Variants in SNTG2 observed in about 807,000 individuals in gnomAD.
SNTG2 encodes the protein gamma-2-syntrophin.
Under a neutral mutation model 70.9 loss-of-function variants are expected in SNTG2, and 74 were observed. The ratio of observed to expected loss-of-function variants is 1.04; its 90% CI spans 0.86 to 1.27. The LOEUF is 1.27. SNTG2 is among the 50% of genes most tolerant of loss of function. The pLI is 0.00. For synonymous variants in SNTG2, 278 were observed against 273.8 expected, an observed-to-expected ratio of 1.02 and a Z score of -0.15; for missense variants, 717 against 690.7, an observed-to-expected ratio of 1.04 and a Z score of -0.43.
chr2:1,098,317 A>T (rs1337070306), intron 3 of SNTG2, 36 bp from the exon 4 acceptor site: 1 of 1,613,704 alleles, frequency 6.2e-7, no homozygotes, highest in African/African-American at 1.3e-5. Context: ...GTGAATCATG[A>T]TAACCACGTT....
intron 1 of SNTG2, among the ~76,000 whole-genome samples, chr2:962,332 A>G (rs780400481): frequency 9.9e-5 from 15 of 152,150 alleles, no homozygotes; most frequent in Admixed American, 7.9e-4. Context: ...TCGGCCTCCC[A>G]AAGTGCTGAG....
intron 4 of SNTG2, among the ~76,000 whole-genome samples, chr2:1,106,067 T>C (rs370933795): frequency 0.11 from 13,899 of 131,142 alleles, 867 homozygotes; most frequent in Admixed American, 0.12. Context: ...TCCTTGGTAA[T>C]AGTGGACACC....
At chr2:972,997 C>A (rs797017856) in intron 1 of SNTG2, among the ~76,000 whole-genome samples, 29 of 151,720 alleles carry the variant, frequency 1.9e-4, no homozygotes, top group African/African-American at 7.0e-4. Flanking sequence ...TGTCTTGTAA[C>A]ATTTACATAT....
At position 1,353,649 on chromosome 2, in the gene SNTG2, A is replaced by T. The variant is rs921985408; in HGVS notation, c.1489-13694A>T. 1.3e-5 allele frequency: 2 copies of T among 152,150 alleles called. No homozygotes were observed. Among genetic ancestry groups the T allele is most frequent in the African/African-American group, 4.8e-5 (2 of 41,432 alleles). 9.4% of individuals were successfully genotyped at this position (152,150 alleles called of 1,614,324 possible). A position where few individuals can be genotyped will look rare whatever the true frequency, so the allele number is the denominator to read the frequency against. ...TGGCCCAGTGGAAACGGTTCTCTTCAATGCTGATTGACTTCACCTTTGCCC... is the reference window on the plus strand; with the variant it reads ...TGGCCCAGTGGAAACGGTTCTCTTCTATGCTGATTGACTTCACCTTTGCCC... On this transcript the variant is annotated intron_variant, in intron 16 of 16. Transcript: ENST00000308624. This position sits in a 1 kb window ranked among gnomAD's most constrained non-coding sequence, Gnocchi z 4.2.
At chr2:1,010,169 C>G (rs1194961976) in intron 1 of SNTG2, among the ~76,000 whole-genome samples, 4 of 151,848 alleles carry the variant, frequency 2.6e-5, no homozygotes, top group African/African-American at 9.7e-5. Flanking sequence ...AATGGGATGT[C>G]CACGGGGTGA....
At chr2:1,209,947 T>C (rs1673928314) in intron 9 of SNTG2, among the ~76,000 whole-genome samples, 1 of 152,068 alleles carries the variant, frequency 6.6e-6, no homozygotes, top group African/African-American at 2.4e-5. Context: ...TGTGTGGCTA[T>C]AGTGTGTGTG....
intron 4 of SNTG2, among the ~76,000 whole-genome samples, chr2:1,129,195 T>C (rs1411482048): frequency 6.6e-6 from 1 of 152,214 alleles, no homozygotes; most frequent in African/African-American, 2.4e-5. Flanking sequence ...TTCTAACAAA[T>C]GATTTCCTAA....
intron 14 of SNTG2, among the ~76,000 whole-genome samples, chr2:1,299,867 T>C (rs1204613437): frequency 6.6e-6 from 1 of 152,220 alleles, no homozygotes; most frequent in Non-Finnish European, 1.5e-5. Flanking sequence ...CCATGAGAAT[T>C]CAACGTAAGG....
At chr2:1,014,605 T>A in intron 1 of SNTG2, among the ~76,000 whole-genome samples, 1 of 111,884 alleles carries the variant, frequency 8.9e-6, no homozygotes, top group South Asian at 2.8e-4. Context: ...AGAAGGGTGG[T>A]CTGGAGAGGG....
intron 8 of SNTG2, among the ~76,000 whole-genome samples, chr2:1,187,147 G>T (rs1273432960): frequency 1.3e-5 from 2 of 152,184 alleles, no homozygotes; most frequent in East Asian, 1.9e-4. Context: ...TAATTTTCTG[G>T]AGATAAAAAT....
chr2:1,055,516 T>C (rs1433981029), intron 1 of SNTG2, among the ~76,000 whole-genome samples: 2 of 152,176 alleles, frequency 1.3e-5, no homozygotes, highest in Admixed American at 6.5e-5. Context: ...GGATTTTTCA[T>C]GGACGTCACT....
chr2:1,011,815 A>C (rs1277860180), intron 1 of SNTG2, among the ~76,000 whole-genome samples: 1 of 152,210 alleles, frequency 6.6e-6, no homozygotes, highest in Admixed American at 6.5e-5. Context: ...AACACATTTA[A>C]AAAACACATT....
intron 1 of SNTG2, among the ~76,000 whole-genome samples, chr2:1,066,888 C>G (rs1663192244): frequency 6.6e-6 from 1 of 152,142 alleles, no homozygotes; most frequent in Non-Finnish European, 1.5e-5. Context: ...AGTTGGTCGT[C>G]AACTTCCAAT....
chr2:1,208,399 C>T (rs1572729068), intron 8 of SNTG2, among the ~76,000 whole-genome samples: 1 of 152,176 alleles, frequency 6.6e-6, no homozygotes, highest in Non-Finnish European at 1.5e-5. Flanking sequence ...CCAGCGAGCC[C>T]GGCTCTGAGA....
intron 4 of SNTG2, among the ~76,000 whole-genome samples, chr2:1,123,406 G>A (rs376471522): frequency 1.3e-5 from 2 of 152,128 alleles, no homozygotes; most frequent in South Asian, 2.1e-4. Context: ...AAAACTAAAC[G>A]TACATGCTCA....
chr2:1,016,113 C>T (rs1188967273), intron 1 of SNTG2, among the ~76,000 whole-genome samples: 1 of 151,920 alleles, frequency 6.6e-6, no homozygotes, highest in African/African-American at 2.4e-5. Context: ...AAATATGTTA[C>T]AGCTTTGAGA....
In SNTG2 at chr2:1,137,782, T is replaced by G. The variant is rs373850840; in HGVS notation, c.384T>G (p.His128Gln). Residue 128 changes from histidine (H) to glutamine (Q), a missense_variant, in exon 6 of 17, where the codon CAT becomes CAG. Physicochemically the swap from His to Gln is conservative, Grantham distance 24. Coordinates refer to ENST00000308624, the MANE Select transcript of SNTG2 (RefSeq NM_018968.4). ...GDAVLQVNGI[H>Q]VENATHEEVV... ...CATCTGTTCAGGTTAATGGCATACA[T>G]GTAGAAAATGCAACTCATGAAGAAG... The G allele has an allele frequency of 5.9e-5, 95 of 1,613,396 alleles. No individual in the cohort carries two copies. Among genetic ancestry groups the G allele is most frequent in the Non-Finnish European group, 7.9e-5 (93 of 1,179,712 alleles).
intron 1 of SNTG2, among the ~76,000 whole-genome samples, chr2:1,015,116 T>C (rs1270574319): frequency 1.3e-5 from 2 of 152,052 alleles, no homozygotes; most frequent in Non-Finnish European, 2.9e-5. Context: ...TTTGAAAAAC[T>C]GAGTTGCCAG....
chr2:997,310 G>C (rs62106789), intron 1 of SNTG2, among the ~76,000 whole-genome samples: 13,168 of 152,226 alleles, frequency 0.087, 758 homozygotes, highest in South Asian at 0.21. Flanking sequence ...CCATGAGGAC[G>C]TGTAGGGAAG....
Sources: gnomAD v4.1 joint callset for allele counts (sites outside exome capture counted in the v4.1 genomes callset) on GRCh38, gnomAD v4.1.1 for gene constraint, Gnocchi (gnomAD v3.1) non-coding constraint, MANE v1.5 for transcripts, NCBI Gene and HGNC (gene_info 2026-07-23, HGNC 2026-07-21) for gene names.